The following RYR2 variants were observed in gnomAD, a reference collection of about 807,000 sequenced individuals.
The protein encoded by RYR2 is cardiac muscle ryanodine receptor-calcium release channel.
A neutral mutation model predicts 601.1 loss-of-function variants in RYR2; 227 were observed. The ratio of observed to expected loss-of-function variants is 0.38; its 90% CI spans 0.34 to 0.42. RYR2 has a LOEUF of 0.42. Ranked by LOEUF, RYR2 falls within the 10% of genes least tolerant of loss-of-function variation. The pLI, the probability that RYR2 is intolerant of heterozygous loss-of-function variation, is 1.00. For missense variants in RYR2, 4,646 were observed against 6,156.5 expected (o/e 0.75, Z 8.21); for synonymous variants, 2,223 against 2,175.1 (o/e 1.02, Z -0.61).
intron 1 of RYR2, among the ~76,000 whole-genome samples, chr1:237,134,431 C>T (rs1672531004): frequency 6.6e-6 from 1 of 152,132 alleles, no homozygotes; most frequent in African/African-American, 2.4e-5. Flanking sequence ...CAAGGGATGT[C>T]TTATATGGCA....
At chr1:237,729,579 G>T (rs773597028) in intron 76 of RYR2, among the ~76,000 whole-genome samples, 51 of 152,108 alleles carry the variant, frequency 3.4e-4, no homozygotes, top group Non-Finnish European at 5.9e-5. Flanking sequence ...CACATCTGTT[G>T]TTGTTTTATG....
intron 1 of RYR2, among the ~76,000 whole-genome samples, chr1:237,064,895 A>G (rs933792678): frequency 4.0e-5 from 6 of 151,558 alleles, no homozygotes; most frequent in South Asian, 2.1e-4. Flanking sequence ...TACTTAAACT[A>G]GTTTTTATAG....
chr1:237,468,455 C>T (rs958145198), intron 16 of RYR2, among the ~76,000 whole-genome samples: 4 of 152,090 alleles, frequency 2.6e-5, no homozygotes, highest in Non-Finnish European at 5.9e-5. Flanking sequence ...GTAGTCTAAG[C>T]CAAGCTAGAA....
At chr1:237,497,108 T>C (rs758425397) in intron 20 of RYR2, among the ~76,000 whole-genome samples, 2 of 152,172 alleles carry the variant, frequency 1.3e-5, no homozygotes, top group Non-Finnish European at 2.9e-5. Flanking sequence ...TCTGCTTTAA[T>C]TGGTATGTTT....
At position 237,668,057 on chromosome 1, in the gene RYR2, T is replaced by C. The variant is rs529850226; in HGVS notation, c.8590+99T>C. On this transcript the variant is annotated intron_variant, in intron 58 of 104. Coordinates refer to ENST00000366574, the MANE Select transcript of RYR2 (RefSeq NM_001035.3). ...TCAGCACAACAGCTTATTATAACTT[T>C]TTAAAATCAGAACGGTTTAATTGTG... The C allele has an allele frequency of 2.0e-3, 1,797 of 917,744 alleles. 5 individuals are homozygous for C. Among genetic ancestry groups the C allele is most frequent in the Non-Finnish European group, 2.4e-3 (1,486 of 612,410 alleles). The allele number at this position is 917,744 out of a possible 1,614,324, so 56.9% of individuals were successfully genotyped here.
chr1:237,370,667 T>TC (rs1700563202), intron 6 of RYR2, among the ~76,000 whole-genome samples: 1 of 151,240 alleles, frequency 6.6e-6, no homozygotes, highest in Admixed American at 6.6e-5. Flanking sequence ...TTCCATTTTT[T>TC]TTTTTTTTTT....
chr1:237,208,936 G>GTGTGTGTGTATATA (rs1418847642), intron 1 of RYR2, among the ~76,000 whole-genome samples: 1 of 89,874 alleles, frequency 1.1e-5, no homozygotes, highest in Non-Finnish European at 2.2e-5. Flanking sequence ...ATGTGTGTGT[G>GTGTGTGTGTATATA]TATATATATA....
chr1:237,551,870 C>T (rs906978775), intron 27 of RYR2, among the ~76,000 whole-genome samples: 3 of 152,082 alleles, frequency 2.0e-5, no homozygotes, highest in East Asian at 1.9e-4. Context: ...GCTTGTATTA[C>T]GCTCATTTTA....
At chr1:237,734,264 G>A (rs1690940655) in intron 79 of RYR2, among the ~76,000 whole-genome samples, 1 of 152,090 alleles carries the variant, frequency 6.6e-6, no homozygotes, top group African/African-American at 2.4e-5. Context: ...GAAGGCAAAG[G>A]GGAAGTAAGG....
chr1:237,160,102 A>G (rs1195922952), intron 1 of RYR2, among the ~76,000 whole-genome samples: 1 of 152,212 alleles, frequency 6.6e-6, no homozygotes, highest in East Asian at 1.9e-4. Flanking sequence ...TTAATACTTG[A>G]CAGACACAGA....
intron 80 of RYR2, among the ~76,000 whole-genome samples, chr1:237,745,813 G>C (rs1251584470): frequency 1.3e-5 from 2 of 152,096 alleles, no homozygotes; most frequent in Non-Finnish European, 2.9e-5. Context: ...AGATATGACT[G>C]TCTCAGCAAG....
intron 2 of RYR2, among the ~76,000 whole-genome samples, chr1:237,314,360 G>A (rs142880221): frequency 0.015 from 2,247 of 152,032 alleles, 23 homozygotes; most frequent in Middle Eastern, 0.048. Context: ...CACCATGCCC[G>A]GCCAACATGA....
chr1:237,204,289 G>A (rs544353288), intron 1 of RYR2, among the ~76,000 whole-genome samples: 2 of 152,308 alleles, frequency 1.3e-5, no homozygotes, highest in South Asian at 4.1e-4. Flanking sequence ...GATTACAGGC[G>A]TGAGCCACCA....
chr1:237,651,308 G>C, intron 50 of RYR2, 103 bp from the exon 51 acceptor site: 1 of 764,276 alleles, frequency 1.3e-6, no homozygotes. Context: ...TCTGAAGTGA[G>C]GTATAGATTC....
intron 2 of RYR2, among the ~76,000 whole-genome samples, chr1:237,277,113 C>T (rs771198761): frequency 9.9e-5 from 15 of 151,904 alleles, no homozygotes; most frequent in Admixed American, 3.3e-4. Flanking sequence ...TAGCTCAATA[C>T]GATAAATCAA....
At chr1:237,129,225 C>T (rs1300891464) in intron 1 of RYR2, among the ~76,000 whole-genome samples, 9 of 152,162 alleles carry the variant, frequency 5.9e-5, no homozygotes, top group Non-Finnish European at 1.2e-4. Flanking sequence ...TCTATTTCCA[C>T]GCAACAGCTA....
chr1:237,269,249 G>T (rs1689440593), intron 1 of RYR2, among the ~76,000 whole-genome samples: 1 of 151,646 alleles, frequency 6.6e-6, no homozygotes, highest in Non-Finnish European at 1.5e-5. Context: ...CTGCATGTTG[G>T]TCAGGCTGGT....
rs926460699 is a variant in RYR2 at position 237,791,519 on chromosome 1, C to T, written c.13563+4C>T. On this transcript the variant is annotated splice_donor_region_variant and intron_variant, in intron 93 of 104. Transcript: ENST00000366574. The stretch of plus-strand genomic sequence containing the variant: ...TTTCATCTTGCTCTTTTATAAGGTA[C>T]GTACATCTCACTGTTTTAATTACTG... The T allele has an allele frequency of 1.3e-5, 18 of 1,403,044 alleles. 1 individual carries two copies. Among genetic ancestry groups the T allele is most frequent in the Admixed American group, 7.8e-5 (4 of 51,582 alleles). The allele number at this position is 1,403,044 out of a possible 1,614,324, so 86.9% of individuals were successfully genotyped here.
rs1657870142 is a variant in RYR2, at chr1:237,788,035, A to G, written c.13376A>G (p.Lys4459Arg). Residue 4459 changes from lysine (K) to arginine (R), a missense_variant, in exon 92 of 105, where the codon AAA becomes AGA. By Grantham distance (26) the Lys-to-Arg change is conservative. This residue lies in a region of RYR2 where 364 missense variants were observed against 442.9 expected (regional missense o/e 0.82). Transcript: ENST00000366574. Reference sequence around the variant, plus strand: ...GAGAAAGCCAAGGAAGACAAGGGCAAACAAAAGTTGAGGCAGCTTCACACA... The same window carrying G: ...GAGAAAGCCAAGGAAGACAAGGGCAGACAAAAGTTGAGGCAGCTTCACACA... ...KEEKAKEDKGKQKLRQLHTHR... is the reference protein window; with the variant it reads ...KEEKAKEDKGRQKLRQLHTHR... The G allele has an allele frequency of 6.2e-7, 1 of 1,608,616 alleles. No individual in the cohort carries two copies. Among genetic ancestry groups the G allele is most frequent in the African/African-American group, 1.3e-5 (1 of 74,858 alleles).
Sources: gnomAD v4.1 joint callset for allele counts (sites outside exome capture counted in the v4.1 genomes callset) on GRCh38, gnomAD v4.1.1 for gene constraint, gnomAD v4.1.1 regional missense constraint, MANE v1.5 for transcripts, NCBI Gene and HGNC (gene_info 2026-07-23, HGNC 2026-07-21) for gene names.